ATP13A4: variants seen among roughly 807,000 people sequenced by gnomAD.
ATP13A4 encodes ATPase 13A4.
ATP13A4 carries 114 observed loss-of-function variants against 142.5 expected under a neutral mutation model. The observed-to-expected ratio is 0.80, with a 90% CI of 0.69 to 0.93. The LOEUF (loss-of-function observed/expected upper bound fraction) is 0.93, where lower values mean the gene tolerates loss of function less well. Among genes scored for constraint, ATP13A4 ranks in the 40% least tolerant of loss-of-function variants. The pLI is 0.00. For synonymous variants in ATP13A4, 488 were observed against 514.8 expected, an observed-to-expected ratio of 0.95 and a Z score of 0.70; for missense variants, 1,392 against 1,454.0, an observed-to-expected ratio of 0.96 and a Z score of 0.69.
chr3:193,485,584 G>A (rs1003545680), intron 7 of ATP13A4, among the ~76,000 whole-genome samples: 1 of 150,866 alleles, frequency 6.6e-6, no homozygotes, highest in African/African-American at 2.4e-5. Flanking sequence ...AAAGAAATAC[G>A]ATTATCAAAG....
chr3:193,450,497 A>G (rs940295150), intron 17 of ATP13A4, among the ~76,000 whole-genome samples: 17 of 152,176 alleles, frequency 1.1e-4, no homozygotes, highest in African/African-American at 4.1e-4. Context: ...AAGTATTAAA[A>G]CAGATGTCCA....
At chr3:193,511,024 A>G (rs962926911) in intron 2 of ATP13A4, among the ~76,000 whole-genome samples, 5 of 152,242 alleles carry the variant, frequency 3.3e-5, no homozygotes, top group Non-Finnish European at 7.3e-5. Context: ...TAACTCTCAG[A>G]TAGTAAGAAT....
intron 22 of ATP13A4, 139 bp from the exon 23 acceptor site, chr3:193,438,723 G>C: frequency 1.3e-6 from 1 of 777,966 alleles, no homozygotes; most frequent in South Asian, 1.5e-5. Flanking sequence ...ACCCTGCCTG[G>C]AACATGAGAA....
chr3:193,486,216 A>G (rs1719607383), intron 7 of ATP13A4, among the ~76,000 whole-genome samples: 1 of 152,096 alleles, frequency 6.6e-6, no homozygotes, highest in Non-Finnish European at 1.5e-5. Context: ...TAGAAACTAA[A>G]AAGTTTGTGA....
At chr3:193,465,991 G>A (rs1718255225) in intron 11 of ATP13A4, 34 bp downstream of exon 11, 2 of 1,608,210 alleles carry the variant, frequency 1.2e-6, no homozygotes, top group Admixed American at 1.7e-5. Context: ...AGATGAGTGT[G>A]TGTGCATTTA....
At chr3:193,561,277 G>A (rs1458354357) in intron 2 of ATP13A4, among the ~76,000 whole-genome samples, 1 of 152,252 alleles carries the variant, frequency 6.6e-6, no homozygotes, top group African/African-American at 2.4e-5. Flanking sequence ...GGCCTGGGAT[G>A]ACCCAGGAAC....
intron 13 of ATP13A4, among the ~76,000 whole-genome samples, chr3:193,460,995 C>T (rs1717914707): frequency 6.6e-6 from 1 of 151,818 alleles, no homozygotes; most frequent in Non-Finnish European, 1.5e-5. Context: ...AGAATTAATT[C>T]TGTTTTGTTT....
chr3:193,490,689 T>C (rs766787246), intron 6 of ATP13A4, among the ~76,000 whole-genome samples: 1 of 152,164 alleles, frequency 6.6e-6, no homozygotes, highest in Non-Finnish European at 1.5e-5. Context: ...CATTCCCTAT[T>C]GGTTTGTTTT....
At position 193,399,545 on chromosome 3, in the gene ATP13A4, G is replaced by C. The variant is rs1168390618; in HGVS notation, c.*3107C>G. ...CCCATGAGTGTCTGTCTGGTATTCT[G>C]TGTGGGTAGTAGTAGAAAATAGTTC... On this transcript the variant is annotated 3_prime_UTR_variant, in exon 30 of 30. Transcript: ENST00000342695. Among the ~76,000 whole-genome samples, 1 of 152,118 alleles carries C rather than the reference G, an allele frequency of 6.6e-6. No homozygotes were observed. Among genetic ancestry groups the C allele is most frequent in the African/African-American group, 2.4e-5 (1 of 41,414 alleles).
intron 1 of ATP13A4, among the ~76,000 whole-genome samples, chr3:193,521,604 C>T (rs536984012): frequency 8.5e-5 from 13 of 152,238 alleles, no homozygotes; most frequent in African/African-American, 1.9e-4. Context: ...ACTCTAGATA[C>T]GGCTTTTGAA....
At chr3:193,564,906 T>C (rs548106890) in intron 2 of ATP13A4, among the ~76,000 whole-genome samples, 12 of 152,236 alleles carry the variant, frequency 7.9e-5, no homozygotes, top group African/African-American at 2.4e-4. Flanking sequence ...CAAACCCTAC[T>C]GTGAACTGCA....
chr3:193,408,577 G>T (rs1186992703), intron 28 of ATP13A4, among the ~76,000 whole-genome samples: 1 of 152,120 alleles, frequency 6.6e-6, no homozygotes, highest in Non-Finnish European at 1.5e-5. Context: ...ATAAATGGTG[G>T]ATACCCCAAC....
chr3:193,549,750 T>A (rs990578372), intron 1 of ATP13A4, among the ~76,000 whole-genome samples: 8 of 152,146 alleles, frequency 5.3e-5, no homozygotes, highest in Non-Finnish European at 1.2e-4. Context: ...GAGGATCACC[T>A]GTGCCTGGGA....
intron 1 of ATP13A4, among the ~76,000 whole-genome samples, chr3:193,521,131 A>G (rs762546021): frequency 3.3e-5 from 5 of 152,178 alleles, no homozygotes; most frequent in African/African-American, 7.2e-5. Flanking sequence ...CAAATTGCCT[A>G]CTATGTCTAA....
At chr3:193,450,856 G>A (rs977807352) in intron 17 of ATP13A4, among the ~76,000 whole-genome samples, 5 of 152,184 alleles carry the variant, frequency 3.3e-5, no homozygotes, top group African/African-American at 9.6e-5. Flanking sequence ...GAGTTGTGAG[G>A]TGGATGAAGG....
intron 1 of ATP13A4, among the ~76,000 whole-genome samples, chr3:193,530,476 C>A (rs919932476): frequency 3.9e-5 from 6 of 152,144 alleles, no homozygotes; most frequent in Non-Finnish European, 5.9e-5. Flanking sequence ...TAATATTCTC[C>A]CCACGTTCCC....
At chr3:193,470,799 T>C (rs1017535357) in intron 9 of ATP13A4, 60 bp downstream of exon 9, 6 of 1,611,722 alleles carry the variant, frequency 3.7e-6, no homozygotes, top group Middle Eastern at 4.0e-4. Flanking sequence ...GTAGGGACCA[T>C]AGCAGCGTGG....
chr3:193,562,810 G>A (rs1724047548), intron 2 of ATP13A4, among the ~76,000 whole-genome samples: 1 of 152,196 alleles, frequency 6.6e-6, no homozygotes, highest in Non-Finnish European at 1.5e-5. Flanking sequence ...GGCAGAGGTT[G>A]CAGTGAGCTG....
At chr3:193,458,496 A>G (rs774342293) in intron 14 of ATP13A4, 3 of 161,442 alleles carry the variant, frequency 1.9e-5, no homozygotes, top group Admixed American at 5.8e-5. Context: ...AGTCAGTTAG[A>G]GCAGAGACAA....
Sources: allele counts gnomAD v4.1 joint callset (sites outside exome capture counted in the v4.1 genomes callset), GRCh38; gene constraint gnomAD v4.1.1; transcripts MANE v1.5; gene names NCBI Gene and HGNC (gene_info 2026-07-23, HGNC 2026-07-21).